The following PHC1 variants were observed in gnomAD, a reference collection of about 807,000 sequenced individuals.
The protein encoded by PHC1 is polyhomeotic-like protein 1.
In PHC1, 12 loss-of-function variants were observed where a neutral mutation model predicts 104.3. That is an observed-to-expected ratio of 0.12 (90% CI 0.07 to 0.19). PHC1 has a LOEUF of 0.19. Among genes scored for constraint, PHC1 ranks in the 10% least tolerant of loss-of-function variants. The probability of loss-of-function intolerance (pLI) is 1.00; values close to 1 mark genes in which losing one functional copy is unlikely to be tolerated. For synonymous variants in PHC1, 302 were observed against 455.8 expected (o/e 0.66, Z 4.30); for missense variants, 671 against 1,200.0 (o/e 0.56, Z 6.51).
intron 6 of PHC1, among the ~76,000 whole-genome samples, chr12:8,924,988 C>G (rs911492599): frequency 6.6e-6 from 1 of 152,108 alleles, no homozygotes; most frequent in Non-Finnish European, 1.5e-5. Flanking sequence ...GCAATGGGAG[C>G]CACGAGTGAG....
intron 3 of PHC1, 129 bp from the exon 4 acceptor site, chr12:8,920,856 C>T (rs1945341940): frequency 1.6e-6 from 1 of 622,676 alleles, no homozygotes; most frequent in East Asian, 2.8e-5. Context: ...TTTTCTTTAC[C>T]CTAAAGTGGA....
intron 6 of PHC1, among the ~76,000 whole-genome samples, chr12:8,924,241 C>T (rs1234151282): frequency 1.3e-5 from 2 of 152,122 alleles, no homozygotes; most frequent in Non-Finnish European, 2.9e-5. Context: ...CTTTGGGAGG[C>T]TGAGGAGGGT....
Position 8,935,197 on chromosome 12 carries a change from A to G in PHC1, c.2327A>G (p.Asn776Ser). The change falls in exon 11 of 15, where the codon AAT becomes AGT. Residue 776 changes from asparagine to serine, a missense_variant. By Grantham distance (46) the Asn-to-Ser change is conservative. Transcript: ENST00000544916. ...QTGLPTGLTE[N>S]QSGGPLGVDS... Reference sequence around the variant, plus strand: ...GGCCTTCCGACAGGGCTGACTGAGAATCAGTCAGGTGGCCCTTTGGGAGTG... The same window carrying G: ...GGCCTTCCGACAGGGCTGACTGAGAGTCAGTCAGGTGGCCCTTTGGGAGTG... The G allele has an allele frequency of 6.3e-7, 1 of 1,587,468 alleles. No homozygotes were observed. The highest frequency in any genetic ancestry group is 8.6e-7 in the Non-Finnish European group (1 of 1,162,398).
chr12:8,937,294 G>T lies in PHC1; in HGVS notation c.2596G>T (p.Ala866Ser). 1 of 1,610,790 alleles carries T rather than the reference G, an allele frequency of 6.2e-7. No homozygotes were observed. Among genetic ancestry groups the T allele is most frequent in the East Asian group, 2.2e-5 (1 of 44,774 alleles). ...RGPRRSSSDI[A>S]RAKIQGKCHR... ...ACCCCGCCGCAGCTCCTCTGACATT[G>T]CCCGTGCCAAGATTCAGGGCAAGTG... The change falls in exon 13 of 15, where the codon GCC (alanine) becomes TCC (serine). Residue 866 changes from alanine to serine, a missense_variant. Ala to Ser is a moderately conservative substitution (Grantham distance 99). Around this residue, in one of 9 missense-constraint regions of PHC1, gnomAD observed 192 missense variants for 280.5 expected, o/e 0.68. Coordinates refer to ENST00000544916, the MANE Select transcript of PHC1 (RefSeq NM_004426.3).
chr12:8,928,558 A>G (rs1306415284), intron 6 of PHC1, among the ~76,000 whole-genome samples: 2 of 151,962 alleles, frequency 1.3e-5, no homozygotes, highest in African/African-American at 4.8e-5. Context: ...CCTTTTTTAT[A>G]TGGTTTTATT....
At chr12:8,930,365 C>A in intron 6 of PHC1, 70 bp from the exon 7 acceptor site, 1 of 1,552,318 alleles carries the variant, frequency 6.4e-7, no homozygotes, top group Non-Finnish European at 8.7e-7. Flanking sequence ...GCAGTCCTGG[C>A]TGCTTTTGAA....
intron 5 of PHC1, 81 bp from the exon 6 acceptor site, chr12:8,922,552 C>T: frequency 8.0e-7 from 1 of 1,251,344 alleles, no homozygotes; most frequent in Non-Finnish European, 1.1e-6. Context: ...TTTATTTTGT[C>T]TTGTGGTCCT....
At position 8,935,832 on chromosome 12, in the gene PHC1, C is replaced by T. The variant is rs1431890695; in HGVS notation, c.2368+594C>T. On this transcript the variant is annotated intron_variant, in intron 11 of 14. Coordinates refer to ENST00000544916, the MANE Select transcript of PHC1 (RefSeq NM_004426.3). Reference sequence around the variant, plus strand: ...CTGGAGTGCAATGGTGGGATCTTGGCTCACCGCAACCAGTGCCTCCTGGGT... The same window carrying T: ...CTGGAGTGCAATGGTGGGATCTTGGTTCACCGCAACCAGTGCCTCCTGGGT... Among the ~76,000 whole-genome samples the T allele has an allele frequency of 4.6e-5, 7 of 152,098 alleles. No homozygotes were observed. The East Asian group carries it at 1.4e-3, about 30-fold the overall frequency.
In PHC1 at chr12:8,936,968, C is replaced by A; in HGVS notation, c.2477+4C>A. 3.8e-6 allele frequency: 6 copies of A among 1,594,608 alleles called. No individual in the cohort carries two copies. The highest frequency in any genetic ancestry group is 5.2e-6 in the Non-Finnish European group (6 of 1,162,648). On this transcript the variant is annotated splice_donor_region_variant and intron_variant, in intron 12 of 14. Transcript: ENST00000544916. ...GCTCCATGACTTGCGCTAAGAGGTA[C>A]TCTGGGCACCCTCCTCCTTGCCCTC... is the stretch of plus-strand genomic sequence containing the variant.
chr12:8,937,392 A>G (rs1430333189), intron 13 of PHC1, 66 bp downstream of exon 13: 4 of 1,400,784 alleles, frequency 2.9e-6, no homozygotes, highest in African/African-American at 2.9e-5. Context: ...CTGCAGGGCA[A>G]TTCATTTGCC....
intron 6 of PHC1, among the ~76,000 whole-genome samples, chr12:8,924,878 G>A (rs1469606164): frequency 1.3e-5 from 2 of 152,164 alleles, no homozygotes; most frequent in Non-Finnish European, 2.9e-5. Context: ...GAGAATAACT[G>A]TTCTAACAGT....
At chr12:8,917,054 G>T (rs1397322511) in intron 1 of PHC1, among the ~76,000 whole-genome samples, 3 of 152,242 alleles carry the variant, frequency 2.0e-5, no homozygotes, top group Non-Finnish European at 4.4e-5. Context: ...TTAGTCCAAA[G>T]ACTTGATACT....
chr12:8,936,402 G>T (rs1482039305), intron 11 of PHC1, among the ~76,000 whole-genome samples: 1 of 152,010 alleles, frequency 6.6e-6, no homozygotes, highest in Non-Finnish European at 1.5e-5. Context: ...TTTTCCAAAA[G>T]ATGATCTAAA....
Position 8,927,890 on chromosome 12 carries a change from TTTCTTTCTTTCTTTCTTTCTTTC to T in PHC1, c.613-2542_613-2520del, listed in dbSNP as rs1242974243. On this transcript the variant is annotated intron_variant, in intron 6 of 14. Transcript: ENST00000544916. ...CTTTCTTTCTTTCTTTCTTTCTTTC[TTTCTTTCTTTCTTTCTTTCTTTC>T]TTTTTTTTTTTTTTTGAGACAGAGT... is the stretch of plus-strand genomic sequence containing the variant. Among the ~76,000 whole-genome samples the T allele has an allele frequency of 5.0e-4, 57 of 113,708 alleles. 2 individuals are homozygous for T. The highest frequency in any genetic ancestry group is 1.1e-3 in the African/African-American group (27 of 25,502). 74.6% of individuals were successfully genotyped at this position (113,708 alleles called of 152,430 possible).
chr12:8,937,564 C>A (rs1472553754), intron 13 of PHC1, among the ~76,000 whole-genome samples: 3 of 152,056 alleles, frequency 2.0e-5, no homozygotes, highest in African/African-American at 7.2e-5. Flanking sequence ...GTTAATTGTA[C>A]TCAATTGTAC....
chr12:8,933,347 G>A lies in PHC1; in HGVS notation c.1890G>A (p.Leu630=). The A allele has an allele frequency of 6.4e-7, 1 of 1,557,066 alleles. No homozygotes were observed. Among genetic ancestry groups the A allele is most frequent in the South Asian group, 1.2e-5 (1 of 84,538 alleles). ...CCTTCTATATGCAGTCTGTGCACTT[G>A]CCGGTGAGTGATGTCTGATGGTTTT... The part of the protein sequence containing the change: ...PAAFYMQSVH[L]PGKPQTLAVK... The change falls in exon 8 of 15, where the codon TTG becomes TTA. Residue 630 remains leucine, a synonymous_variant. Transcript: ENST00000544916.
intron 14 of PHC1, 71 bp from the exon 15 acceptor site, chr12:8,939,234 A>T: frequency 6.4e-7 from 1 of 1,560,810 alleles, no homozygotes; most frequent in African/African-American, 1.4e-5. Context: ...TCATTGCTAG[A>T]CCTCAGTTTC....
intron 6 of PHC1, among the ~76,000 whole-genome samples, chr12:8,928,504 C>G (rs1218387123): frequency 1.3e-5 from 2 of 152,168 alleles, no homozygotes; most frequent in Admixed American, 1.3e-4. Flanking sequence ...CCATTACCCA[C>G]AGTAACGAGC....
At chr12:8,932,460 A>T in intron 7 of PHC1, 103 bp from the exon 8 acceptor site, 1 of 1,284,094 alleles carries the variant, frequency 7.8e-7, no homozygotes. Context: ...CATAATTCCA[A>T]AACTAGGTTA....
Sources: gnomAD v4.1 joint callset for allele counts (sites outside exome capture counted in the v4.1 genomes callset) on GRCh38, gnomAD v4.1.1 for gene constraint, gnomAD v4.1.1 regional missense constraint, MANE v1.5 for transcripts, NCBI Gene and HGNC (gene_info 2026-07-23, HGNC 2026-07-21) for gene names.